The following LANCL3 variants were observed in gnomAD, a reference collection of about 807,000 sequenced individuals.
LANCL3 encodes LanC like family member 3.
LANCL3 carries 19 observed loss-of-function variants against 26.5 expected under a neutral mutation model. The ratio of observed to expected loss-of-function variants is 0.72; its 90% CI spans 0.50 to 1.05. LANCL3 has a LOEUF of 1.05. LANCL3 is among the 50% of genes least tolerant of loss of function. The probability of loss-of-function intolerance (pLI) is 0.00; values close to 1 mark genes in which losing one functional copy is unlikely to be tolerated. For synonymous variants in LANCL3, 160 were observed against 166.6 expected (o/e 0.96, Z 0.30); for missense variants, 318 against 362.7 (o/e 0.88, Z 1.00).
chrX:37,629,749 A>T (rs1436294665), intron 1 of LANCL3, among the ~76,000 whole-genome samples: 1 of 111,350 alleles, frequency 9.0e-6, no homozygotes, highest in Non-Finnish European at 1.9e-5. Context: ...GTCAAAGATC[A>T]GATAGTTGTA....
chrX:37,589,293 A>G (rs6609053), intron 1 of LANCL3, among the ~76,000 whole-genome samples: 2 of 111,949 alleles, frequency 1.8e-5, no homozygotes, highest in East Asian at 2.8e-4. Context: ...TGGGATTGTC[A>G]GACTCCACTG....
intron 1 of LANCL3, among the ~76,000 whole-genome samples, chrX:37,605,145 C>T (rs1924672786): frequency 8.9e-6 from 1 of 111,957 alleles, no homozygotes; most frequent in African/African-American, 3.2e-5. Flanking sequence ...TCACAGGTAT[C>T]ATGGGCCATT....
chrX:37,636,072 T>G (rs1430925706), intron 1 of LANCL3, among the ~76,000 whole-genome samples: 1 of 110,760 alleles, frequency 9.0e-6, no homozygotes, highest in Non-Finnish European at 1.9e-5. Context: ...TGGTTTTCTG[T>G]TCCTGTGCTA....
At chrX:37,664,987 G>A (rs1556433471) in intron 3 of LANCL3, among the ~76,000 whole-genome samples, 1 of 111,351 alleles carries the variant, frequency 9.0e-6, no homozygotes, top group Non-Finnish European at 1.9e-5. Flanking sequence ...GACTCCATGT[G>A]TTTGCTACTG....
intron 1 of LANCL3, among the ~76,000 whole-genome samples, chrX:37,579,353 G>T: frequency 9.0e-6 from 1 of 111,129 alleles, no homozygotes; most frequent in African/African-American, 3.3e-5. Flanking sequence ...TTCCAAGACC[G>T]CCAGTGGATG....
At chrX:37,619,441 A>G (rs1407431186) in intron 1 of LANCL3, among the ~76,000 whole-genome samples, 3 of 111,388 alleles carry the variant, frequency 2.7e-5, no homozygotes, top group African/African-American at 9.8e-5. Context: ...CAGAGTTCAT[A>G]CAACACTGAG....
At position 37,571,714 on chromosome X, in the gene LANCL3, C is replaced by A. The variant is rs1293698402; in HGVS notation, c.-157C>A. The A allele has an allele frequency of 1.8e-5, 8 of 436,806 alleles. No individual in the cohort carries two copies. Among genetic ancestry groups the A allele is most frequent in the Non-Finnish European group, 3.0e-5 (8 of 267,987 alleles). 36.0% of individuals were successfully genotyped at this position (436,806 alleles called of 1,213,427 possible). ...CCCACTTGGCCATCCGCTCCTTGCC[C>A]GCCTCCTCTTGTCACCTCCCGTCTC... On this transcript the variant is annotated 5_prime_UTR_variant, in exon 1 of 5. Coordinates refer to ENST00000378619, the MANE Select transcript of LANCL3 (RefSeq NM_001170331.2).
chrX:37,621,946 C>A (rs1314401133), intron 1 of LANCL3, among the ~76,000 whole-genome samples: 1 of 111,653 alleles, frequency 9.0e-6, no homozygotes, highest in African/African-American at 3.3e-5. Context: ...GAGGATAGTT[C>A]ACAGTTCTGT....
At chrX:37,625,446 T>C (rs1556422876) in intron 1 of LANCL3, among the ~76,000 whole-genome samples, 1 of 110,978 alleles carries the variant, frequency 9.0e-6, no homozygotes, top group African/African-American at 3.3e-5. Flanking sequence ...AAATGCCAAG[T>C]TGAAGGGACC....
chrX:37,625,165 G>A (rs1556422833), intron 1 of LANCL3, among the ~76,000 whole-genome samples: 1 of 111,945 alleles, frequency 8.9e-6, no homozygotes, highest in African/African-American at 3.2e-5. Context: ...TGTATCACTA[G>A]TTTGGAATAG....
intron 2 of LANCL3, among the ~76,000 whole-genome samples, chrX:37,657,907 A>C (rs782298745): frequency 8.9e-6 from 1 of 111,991 alleles, no homozygotes; most frequent in African/African-American, 3.2e-5. Context: ...CCCTGAATGC[A>C]AAAAGAAAGC....
chrX:37,652,702 G>A (rs782388413), intron 1 of LANCL3, among the ~76,000 whole-genome samples: 25 of 111,694 alleles, frequency 2.2e-4, no homozygotes, highest in Admixed American at 1.9e-3. Flanking sequence ...TTCCCCCACC[G>A]GAAATGCTGC....
intron 1 of LANCL3, among the ~76,000 whole-genome samples, chrX:37,600,531 C>G (rs1437062528): frequency 7.1e-5 from 8 of 112,319 alleles, no homozygotes; most frequent in African/African-American, 2.6e-4. Flanking sequence ...CTTCTTGCCA[C>G]CATGGCAAAT....
At chrX:37,584,095 G>C (rs1377130931) in intron 1 of LANCL3, among the ~76,000 whole-genome samples, 6 of 111,458 alleles carry the variant, frequency 5.4e-5, no homozygotes, top group Non-Finnish European at 1.1e-4. Context: ...TTTGTCTTTG[G>C]TTCTGTTTAT....
At chrX:37,639,755 A>T (rs781890787) in intron 1 of LANCL3, among the ~76,000 whole-genome samples, 92 of 111,432 alleles carry the variant, frequency 8.3e-4, no homozygotes, top group Admixed American at 9.5e-4. Context: ...AGCTTTTTTT[A>T]AAAAAAATGA....
chrX:37,592,193 T>C (rs1411159775), intron 1 of LANCL3, among the ~76,000 whole-genome samples: 1 of 111,804 alleles, frequency 8.9e-6, no homozygotes, highest in Non-Finnish European at 1.9e-5. Context: ...TGAAGGACGA[T>C]ATGTGGTTAT....
chrX:37,634,867 C>T (rs1198452736), intron 1 of LANCL3, among the ~76,000 whole-genome samples: 2 of 111,044 alleles, frequency 1.8e-5, no homozygotes, highest in Non-Finnish European at 3.8e-5. Context: ...AATGATTGAG[C>T]AAATGTGGCA....
intron 1 of LANCL3, among the ~76,000 whole-genome samples, chrX:37,642,698 G>A (rs1253531977): frequency 8.9e-6 from 1 of 112,112 alleles, no homozygotes; most frequent in Non-Finnish European, 1.9e-5. Context: ...CTAGCTACAA[G>A]GAATGCAGGG....
At chrX:37,654,403 A>G (rs1173200190) in intron 1 of LANCL3, among the ~76,000 whole-genome samples, 2 of 112,521 alleles carry the variant, frequency 1.8e-5, no homozygotes, top group Non-Finnish European at 3.8e-5. Context: ...CCAAAATCCA[A>G]CGGACTTTTT....
Sources: allele counts gnomAD v4.1 joint callset (sites outside exome capture counted in the v4.1 genomes callset), GRCh38; gene constraint gnomAD v4.1.1; transcripts MANE v1.5; gene names NCBI Gene and HGNC (gene_info 2026-07-23, HGNC 2026-07-21).